Variants in ZNF577 observed in about 807,000 individuals in gnomAD.
The protein encoded by ZNF577 is zinc finger protein 577.
Under a neutral mutation model 13.9 loss-of-function variants are expected in ZNF577, and 14 were observed. That is an observed-to-expected ratio of 1.00 (90% CI 0.66 to 1.57). The LOEUF is 1.57. Among genes scored for constraint, ZNF577 ranks in the 40% most tolerant of loss-of-function variants. ZNF577 has a pLI of 0.00. For missense variants in ZNF577, 555 were observed against 579.2 expected (o/e 0.96, Z 0.43); for synonymous variants, 203 against 202.9 (o/e 1.00, Z 0.00).
chr19:51,856,825 G>C (rs2084426800), intron 5 of ZNF577, among the ~76,000 whole-genome samples: 1 of 152,146 alleles, frequency 6.6e-6, no homozygotes, highest in Non-Finnish European at 1.5e-5. Context: ...GATTGGAAAA[G>C]AACAGCATTA....
At chr19:51,819,985 G>A (rs981021917) in intron 9 of ZNF577, among the ~76,000 whole-genome samples, 8 of 152,134 alleles carry the variant, frequency 5.3e-5, no homozygotes, top group Admixed American at 2.0e-4. Flanking sequence ...GGAAGTCACT[G>A]GGAAAAAGAA....
chr19:51,861,571 T>G (rs977177031), intron 5 of ZNF577: 3 of 152,330 alleles, frequency 2.0e-5, no homozygotes, highest in Non-Finnish European at 4.4e-5. Context: ...TTCATGGAAC[T>G]TCTATTGTGT....
At chr19:51,819,739 G>C (rs1322185630) in intron 9 of ZNF577, among the ~76,000 whole-genome samples, 1 of 152,168 alleles carries the variant, frequency 6.6e-6, no homozygotes, top group African/African-American at 2.4e-5. Context: ...AGTTTGGCTA[G>C]GAATTCTCTT....
At chr19:51,820,511 A>G (rs2084180585) in intron 9 of ZNF577, among the ~76,000 whole-genome samples, 1 of 152,174 alleles carries the variant, frequency 6.6e-6, no homozygotes, top group African/African-American at 2.4e-5. Flanking sequence ...ACTAGGGTGG[A>G]TCCAAAATTT....
intron 8 of ZNF577, chr19:51,840,155 G>A (rs1402455199): frequency 1.3e-5 from 2 of 152,200 alleles, no homozygotes; most frequent in East Asian, 3.8e-4. Context: ...ATCTTCTACT[G>A]TCCTTTTCAC....
At chr19:51,836,114 A>G (rs1410042060) in intron 9 of ZNF577, among the ~76,000 whole-genome samples, 5 of 152,354 alleles carry the variant, frequency 3.3e-5, no homozygotes, top group Non-Finnish European at 2.9e-5. Flanking sequence ...TGGAAGAAAA[A>G]AATACCTAGT....
chr19:51,827,277 C>T (rs2084236950), intron 9 of ZNF577, among the ~76,000 whole-genome samples: 1 of 152,130 alleles, frequency 6.6e-6, no homozygotes, highest in Non-Finnish European at 1.5e-5. Context: ...GACAGATAAC[C>T]TTTGAGGCTA....
At chr19:51,835,073 T>A (rs2122526313) in intron 9 of ZNF577, among the ~76,000 whole-genome samples, 1 of 152,150 alleles carries the variant, frequency 6.6e-6, no homozygotes, top group Admixed American at 6.5e-5. Flanking sequence ...AGAAAATAAC[T>A]TTTAAAAGTG....
chr19:51,855,890 A>C (rs898416903), intron 5 of ZNF577: 2 of 152,200 alleles, frequency 1.3e-5, no homozygotes, highest in African/African-American at 4.8e-5. Context: ...CCTCTGATAC[A>C]AGGGTGGTGG....
chr19:51,849,593 C>T (rs1335102193), intron 5 of ZNF577, among the ~76,000 whole-genome samples: 2 of 152,180 alleles, frequency 1.3e-5, no homozygotes, highest in African/African-American at 4.8e-5. Flanking sequence ...CATTTCTGTT[C>T]TTCATAAATT....
intron 10 of ZNF577, among the ~76,000 whole-genome samples, chr19:51,811,262 C>CA (rs58804827): frequency 0.25 from 38,019 of 152,072 alleles, 5,013 homozygotes; most frequent in South Asian, 0.37. Flanking sequence ...CTGTGGAAAC[C>CA]ATGGGTTATG....
intron 9 of ZNF577, among the ~76,000 whole-genome samples, chr19:51,820,658 G>A (rs8105713): frequency 3.3e-4 from 50 of 152,328 alleles, no homozygotes; most frequent in African/African-American, 1.1e-3. Flanking sequence ...GAGTGGTAGA[G>A]AAAATCTGAG....
At chr19:51,804,731 C>T (rs1036652866), downstream of ZNF577, 4 of 152,054 alleles carry the variant, frequency 2.6e-5, no homozygotes, top group Admixed American at 2.0e-4. Context: ...TTCGGGGCGC[C>T]ACTATGTAAC....
intron 5 of ZNF577, among the ~76,000 whole-genome samples, chr19:51,876,692 C>T (rs1007859214): frequency 6.6e-6 from 1 of 151,908 alleles, no homozygotes. Flanking sequence ...CTTTGGGAGG[C>T]CAAGGTGGGT....
At chr19:51,874,488 A>G (rs78802977) in intron 5 of ZNF577, among the ~76,000 whole-genome samples, 9,964 of 86,634 alleles carry the variant, frequency 0.12, 456 homozygotes, top group South Asian at 0.19. Context: ...TAGGTGTGAT[A>G]AAAAAAAAAA....
chr19:51,865,105 T>A (rs1006303401), downstream of ZNF577, among the ~76,000 whole-genome samples: 61 of 152,338 alleles, frequency 4.0e-4, no homozygotes, highest in African/African-American at 1.4e-3. Context: ...CAAAGATTTT[T>A]TTTTTCTTGA....
chr19:51,869,823 C>A lies in ZNF577; in HGVS notation c.*2709G>T, dbSNP rs2084630136. On this transcript the variant is annotated 3_prime_UTR_variant, in exon 6 of 6. Coordinates refer to ENST00000638348, the MANE Select transcript of ZNF577 (RefSeq NM_001370449.1). ...GCCTCCTAACTGTACTTCCCATAAACCTCAACTGCCCAGCACAGGTGTCTC... is the reference window on the plus strand; with the variant it reads ...GCCTCCTAACTGTACTTCCCATAAAACTCAACTGCCCAGCACAGGTGTCTC... 6.6e-6 allele frequency among the ~76,000 whole-genome samples: 1 copy of A among 152,208 alleles called. No individual in the cohort carries two copies. Among genetic ancestry groups the A allele is most frequent in the South Asian group, 2.1e-4 (1 of 4,830 alleles).
intron 5 of ZNF577, among the ~76,000 whole-genome samples, chr19:51,854,176 T>C (rs982124872): frequency 2.6e-5 from 4 of 152,192 alleles, no homozygotes; most frequent in African/African-American, 9.7e-5. Context: ...AATCCACGAA[T>C]AAAGTAGAGG....
chr19:51,808,802 G>A (rs1368298254), intron 10 of ZNF577, among the ~76,000 whole-genome samples: 4 of 152,146 alleles, frequency 2.6e-5, no homozygotes, highest in Non-Finnish European at 5.9e-5. Flanking sequence ...GCCATCTTCC[G>A]GACTTTTTTG....
Sources: gnomAD v4.1 joint callset for allele counts (sites outside exome capture counted in the v4.1 genomes callset) on GRCh38, gnomAD v4.1.1 for gene constraint, MANE v1.5 for transcripts, NCBI Gene and HGNC (gene_info 2026-07-23, HGNC 2026-07-21) for gene names.